Variants in CLEC3B observed in about 807,000 individuals in gnomAD.
The protein encoded by CLEC3B is tetranectin.
In CLEC3B, 13 loss-of-function variants were observed where a neutral mutation model predicts 15.4. That is an observed-to-expected ratio of 0.84 (90% CI 0.55 to 1.34). The LOEUF (loss-of-function observed/expected upper bound fraction) is 1.34, where lower values mean the gene tolerates loss of function less well. Among genes scored for constraint, CLEC3B ranks in the 40% most tolerant of loss-of-function variants. CLEC3B has a pLI of 0.00. For missense variants in CLEC3B, 242 were observed against 268.6 expected (o/e 0.90, Z 0.69); for synonymous variants, 112 against 114.7 (o/e 0.98, Z 0.15).
chr3:45,029,796 CAT>C (rs759291070), intron 1 of CLEC3B, among the ~76,000 whole-genome samples: 10 of 152,202 alleles, frequency 6.6e-5, no homozygotes, highest in Non-Finnish European at 1.2e-4. Flanking sequence ...CTTACACACA[CAT>C]AGAAATATGC....
In CLEC3B at chr3:45,030,917, T is replaced by C. The variant is rs1366886228; in HGVS notation, c.200T>C (p.Leu67Pro). The part of the protein sequence containing the change: ...EVALLKEQQA[L>P]QTVCLKGTKV... ...GCCCTGCTGAAGGAGCAGCAGGCCCTGCAGACGGGTGAGTGCAGGCAGTAG... is the reference window on the plus strand; with the variant it reads ...GCCCTGCTGAAGGAGCAGCAGGCCCCGCAGACGGGTGAGTGCAGGCAGTAG... Residue 67 changes from leucine to proline, a missense_variant, in exon 2 of 3, where the codon CTG (leucine) becomes CCG (proline). Leu to Pro is a moderately conservative substitution (Grantham distance 98). Coordinates refer to ENST00000296130, the MANE Select transcript of CLEC3B (RefSeq NM_003278.3). The C allele has an allele frequency of 5.1e-6, 8 of 1,571,482 alleles. No individual in the cohort carries two copies. The highest frequency in any genetic ancestry group is 6.9e-6 in the Non-Finnish European group (8 of 1,158,126).
intron 2 of CLEC3B, among the ~76,000 whole-genome samples, chr3:45,033,294 G>A (rs1576045678): frequency 6.6e-6 from 1 of 152,114 alleles, no homozygotes; most frequent in East Asian, 1.9e-4. Context: ...GACATATGGA[G>A]GCCCAAAGCA....
At chr3:45,026,547 T>G in intron 1 of CLEC3B, 76 bp downstream of exon 1, 2 of 1,257,914 alleles carry the variant, frequency 1.6e-6, no homozygotes, top group Middle Eastern at 1.8e-4. Context: ...CTCATGCTCC[T>G]TTCCTTCATT....
intron 2 of CLEC3B, among the ~76,000 whole-genome samples, chr3:45,033,477 T>G (rs1697593738): frequency 6.6e-6 from 1 of 152,118 alleles, no homozygotes; most frequent in South Asian, 2.1e-4. Flanking sequence ...GGGGCAACCT[T>G]TCCCTCCTCC....
chr3:45,029,084 G>C (rs988299190), intron 1 of CLEC3B, among the ~76,000 whole-genome samples: 10 of 152,162 alleles, frequency 6.6e-5, no homozygotes, highest in Non-Finnish European at 1.3e-4. Flanking sequence ...TCAGAGAGTG[G>C]GCCAGCACAA....
At position 45,030,943 on chromosome 3, in the gene CLEC3B, C is replaced by T; in HGVS notation, c.208+18C>T. On this transcript the variant is annotated intron_variant, in intron 2 of 2. Coordinates refer to ENST00000296130, the MANE Select transcript of CLEC3B (RefSeq NM_003278.3). ...GCAGACGGGTGAGTGCAGGCAGTAG[C>T]CTCTCTGGGCAGGAGCGTCTGAGAG... 1 of 1,532,624 alleles carries T rather than the reference C, an allele frequency of 6.5e-7. No individual in the cohort carries two copies. Among genetic ancestry groups the T allele is most frequent in the Non-Finnish European group, 8.9e-7 (1 of 1,128,950 alleles). 94.9% of individuals were successfully genotyped at this position (1,532,624 alleles called of 1,614,324 possible).
chr3:45,028,681 AT>A, intron 1 of CLEC3B, among the ~76,000 whole-genome samples: 1 of 152,242 alleles, frequency 6.6e-6, no homozygotes, highest in Non-Finnish European at 1.5e-5. Flanking sequence ...GTCTTCAGGG[AT>A]TCCTAGGAGC....
Position 45,035,808 on chromosome 3 carries a change from C to G in CLEC3B, c.493C>G (p.Pro165Ala). Reference sequence around the variant, plus strand: ...CTGGGAGACTGAGATCACCGCGCAACCCGATGGCGGCAAGACCGAGAACTG... The same window carrying G: ...CTGGGAGACTGAGATCACCGCGCAAGCCGATGGCGGCAAGACCGAGAACTG... The part of the protein sequence containing the change: ...KNWETEITAQ[P>A]DGGKTENCAV... Residue 165 changes from proline (P) to alanine (A), a missense_variant, in exon 3 of 3, where the codon CCC becomes GCC. Coordinates refer to ENST00000296130, the MANE Select transcript of CLEC3B (RefSeq NM_003278.3). 6.2e-7 allele frequency: 1 copy of G among 1,613,486 alleles called. No homozygotes were observed. The highest frequency in any genetic ancestry group is 8.5e-7 in the Non-Finnish European group (1 of 1,179,968).
intron 1 of CLEC3B, among the ~76,000 whole-genome samples, chr3:45,027,390 G>T (rs1413345087): frequency 6.6e-6 from 1 of 152,220 alleles, no homozygotes. Context: ...AGGGACATCG[G>T]GGCCATGGGG....
At chr3:45,034,046 G>C (rs1027426956) in intron 2 of CLEC3B, among the ~76,000 whole-genome samples, 37 of 152,362 alleles carry the variant, frequency 2.4e-4, no homozygotes, top group African/African-American at 8.4e-4. Flanking sequence ...TTATGGGTCA[G>C]TCTTGGGTGT....
At chr3:45,029,412 C>T (rs1030036633) in intron 1 of CLEC3B, among the ~76,000 whole-genome samples, 7 of 152,210 alleles carry the variant, frequency 4.6e-5, no homozygotes, top group African/African-American at 7.2e-5. Flanking sequence ...TGGTACATCA[C>T]GTGACTGGGT....
intron 1 of CLEC3B, among the ~76,000 whole-genome samples, chr3:45,028,146 G>A (rs1022418919): frequency 6.6e-5 from 10 of 152,158 alleles, no homozygotes; most frequent in Admixed American, 5.2e-4. Flanking sequence ...CTTTCTCCAC[G>A]TAGGCACCAG....
Position 45,035,696 on chromosome 3 carries a change from C to T in CLEC3B, c.381C>T (p.Asn127=). Reference sequence around the variant, plus strand: ...AGTACCTGCGCCAGAGCGTGGGCAACGAGGCCGAGATCTGGCTGGGCCTCA... The same window carrying T: ...AGTACCTGCGCCAGAGCGTGGGCAATGAGGCCGAGATCTGGCTGGGCCTCA... ...LYEYLRQSVG[N]EAEIWLGLND... The change falls in exon 3 of 3, where the codon AAC becomes AAT. Residue 127 remains asparagine, a synonymous_variant. Transcript: ENST00000296130. 1 of 1,613,786 alleles carries T rather than the reference C, an allele frequency of 6.2e-7. No individual in the cohort carries two copies. Among genetic ancestry groups the T allele is most frequent in the Non-Finnish European group, 8.5e-7 (1 of 1,180,022 alleles).
intron 2 of CLEC3B, chr3:45,034,729 T>G (rs939311): frequency 0.49 from 73,903 of 152,148 alleles, 18,712 homozygotes; most frequent in East Asian, 0.86. Context: ...TGTGGACACC[T>G]CAGAGTCCCT....
In CLEC3B at chr3:45,026,362, C is replaced by T. The variant is rs1368530022; in HGVS notation, c.-1C>T. The T allele has an allele frequency of 6.2e-7, 1 of 1,613,550 alleles. No individual in the cohort carries two copies. The highest frequency in any genetic ancestry group is 8.5e-7 in the Non-Finnish European group (1 of 1,179,740). On this transcript the variant is annotated 5_prime_UTR_variant, in exon 1 of 3. Coordinates refer to ENST00000296130, the MANE Select transcript of CLEC3B (RefSeq NM_003278.3). ...GCAGCAGCCCCCGCCCGCGCAGCAG[C>T]ATGGAGCTCTGGGGGGCCTACCTCC...
At chr3:45,031,199 A>C (rs1364542839) in intron 2 of CLEC3B, among the ~76,000 whole-genome samples, 2 of 152,152 alleles carry the variant, frequency 1.3e-5, no homozygotes. Context: ...GAGGACAAAA[A>C]ATTCTCCAAC....
At chr3:45,033,413 C>T (rs1247165072) in intron 2 of CLEC3B, among the ~76,000 whole-genome samples, 1 of 152,142 alleles carries the variant, frequency 6.6e-6, no homozygotes, top group Non-Finnish European at 1.5e-5. Context: ...TTTCAATAAA[C>T]CCACCCAAAG....
chr3:45,032,541 A>G (rs1224111789), intron 2 of CLEC3B, among the ~76,000 whole-genome samples: 4 of 152,178 alleles, frequency 2.6e-5, no homozygotes, highest in African/African-American at 9.7e-5. Context: ...CCACTAGACT[A>G]TAGTAAGCCC....
chr3:45,026,582 A>G (rs2301282), intron 1 of CLEC3B, 111 bp downstream of exon 1: 439,477 of 952,586 alleles, frequency 0.46, 107,430 homozygotes, highest in East Asian at 0.82. Flanking sequence ...TCATCTAGGG[A>G]ACTTGAGTAA....
Sources: gnomAD v4.1 joint callset for allele counts (sites outside exome capture counted in the v4.1 genomes callset) on GRCh38, gnomAD v4.1.1 for gene constraint, MANE v1.5 for transcripts, NCBI Gene and HGNC (gene_info 2026-07-23, HGNC 2026-07-21) for gene names.